DLC1: variants seen among roughly 807,000 people sequenced by gnomAD.
DLC1 encodes DLC1 Rho GTPase activating protein.
A neutral mutation model predicts 140.3 loss-of-function variants in DLC1; 54 were observed. The observed-to-expected ratio is 0.38, with a 90% CI of 0.31 to 0.48. The LOEUF (loss-of-function observed/expected upper bound fraction) is 0.48, where lower values mean the gene tolerates loss of function less well. DLC1 is among the 20% of genes least tolerant of loss of function. DLC1 has a pLI of 0.96. For synonymous variants in DLC1, 986 were observed against 728.1 expected (o/e 1.35, Z -5.70); for missense variants, 2,536 against 1,907.0 (o/e 1.33, Z -6.14).
intron 1 of DLC1, among the ~76,000 whole-genome samples, chr8:13,598,125 G>A (rs1225867030): frequency 6.6e-6 from 1 of 151,994 alleles, no homozygotes; most frequent in African/African-American, 2.4e-5. Flanking sequence ...TGAATTAATA[G>A]TACAAATCTT....
intron 5 of DLC1, among the ~76,000 whole-genome samples, chr8:13,199,641 T>A (rs1827267504): frequency 6.6e-6 from 1 of 152,206 alleles, no homozygotes; most frequent in South Asian, 2.1e-4. Flanking sequence ...TATAAAATAG[T>A]TCCTATATTA....
intron 1 of DLC1, among the ~76,000 whole-genome samples, chr8:13,564,163 A>G (rs1290369820): frequency 6.6e-6 from 1 of 152,210 alleles, no homozygotes; most frequent in Admixed American, 6.5e-5. Context: ...CAATTAATCA[A>G]TTTCAGAAAA....
At position 13,599,578 on chromosome 8, in the gene DLC1, A is replaced by G. The variant is rs148050747; in HGVS notation, c.-126+4959T>C. On this transcript the variant is annotated intron_variant, in intron 1 of 1. Transcript: ENST00000631382. ...CAAAGAACAAACCAAGAACCTAAAT[A>G]TCTAGAAATAAACTACGGAAGTTGA... Among the ~76,000 whole-genome samples the G allele has an allele frequency of 3.5e-4, 54 of 152,158 alleles. No individual in the cohort carries two copies. The East Asian group carries it at 0.01, about 29-fold the overall frequency.
intron 5 of DLC1, among the ~76,000 whole-genome samples, chr8:13,194,559 C>G (rs1344023867): frequency 6.6e-6 from 1 of 152,206 alleles, no homozygotes; most frequent in African/African-American, 2.4e-5. Context: ...AGTCAACACA[C>G]CTGATTTGGA....
At chr8:13,210,274 C>T (rs184711067) in intron 5 of DLC1, among the ~76,000 whole-genome samples, 21 of 152,222 alleles carry the variant, frequency 1.4e-4, no homozygotes, top group African/African-American at 3.4e-4. Context: ...TTCCCACCTC[C>T]GCTCTCAATT....
At chr8:13,133,133 G>A in intron 5 of DLC1, 2 of 1,454,644 alleles carry the variant, frequency 1.4e-6, no homozygotes, top group East Asian at 5.0e-5. Flanking sequence ...CCCTCGTCAC[G>A]GCCCCAGAAA....
intron 4 of DLC1, among the ~76,000 whole-genome samples, chr8:13,354,458 T>C (rs1349316289): frequency 6.6e-6 from 1 of 151,876 alleles, no homozygotes; most frequent in Non-Finnish European, 1.5e-5. Flanking sequence ...TTATGTAGAG[T>C]GAATGACAAA....
chr8:13,296,595 T>C (rs3097639), intron 5 of DLC1, among the ~76,000 whole-genome samples: 3 of 152,180 alleles, frequency 2.0e-5, no homozygotes, highest in Non-Finnish European at 2.9e-5. Context: ...TAGCTGAATG[T>C]CTGTATGAGT....
At chr8:13,557,344 G>C (rs879447240) in intron 1 of DLC1, among the ~76,000 whole-genome samples, 4 of 152,146 alleles carry the variant, frequency 2.6e-5, no homozygotes, top group Non-Finnish European at 4.4e-5. Context: ...GCTTCATTGG[G>C]GTTACAGTCT....
intron 4 of DLC1, among the ~76,000 whole-genome samples, chr8:13,360,472 T>C (rs966589424): frequency 1.3e-5 from 2 of 152,184 alleles, no homozygotes; most frequent in African/African-American, 4.8e-5. Context: ...TTCTTAACCA[T>C]GGCTGCACAT....
At chr8:13,264,727 T>A (rs186185983) in intron 5 of DLC1, among the ~76,000 whole-genome samples, 2 of 152,344 alleles carry the variant, frequency 1.3e-5, no homozygotes, top group East Asian at 3.9e-4. Context: ...AAAATAATCT[T>A]GGTATTAGTT....
chr8:13,250,796 T>C (rs1424560111), intron 5 of DLC1, among the ~76,000 whole-genome samples: 1 of 152,118 alleles, frequency 6.6e-6, no homozygotes, highest in African/African-American at 2.4e-5. Flanking sequence ...ATAAAGTACT[T>C]ACTTTAGTCC....
chr8:13,107,922 T>C (rs901521543), intron 7 of DLC1, among the ~76,000 whole-genome samples: 1 of 152,048 alleles, frequency 6.6e-6, no homozygotes, highest in African/African-American at 2.4e-5. Flanking sequence ...GGTGGGTGCC[T>C]GTAATCCCAG....
chr8:13,435,065 A>G (rs115061364), intron 2 of DLC1, among the ~76,000 whole-genome samples: 2 of 152,202 alleles, frequency 1.3e-5, no homozygotes, highest in South Asian at 2.1e-4. Flanking sequence ...GGTAAAGTAC[A>G]TTAAGAGCCT....
At chr8:13,117,044 T>C (rs970170834) in intron 5 of DLC1, among the ~76,000 whole-genome samples, 1 of 152,250 alleles carries the variant, frequency 6.6e-6, no homozygotes, top group Admixed American at 6.5e-5. Context: ...CTTACTTTTT[T>C]TTCGTATGTG....
intron 2 of DLC1, among the ~76,000 whole-genome samples, chr8:13,437,774 C>G (rs1426298329): frequency 1.3e-5 from 2 of 152,234 alleles, no homozygotes; most frequent in Admixed American, 6.5e-5. Context: ...TCCCTGCCAG[C>G]AAACACCATC....
At chr8:13,107,812 G>A (rs1297853842) in intron 7 of DLC1, among the ~76,000 whole-genome samples, 1 of 152,088 alleles carries the variant, frequency 6.6e-6, no homozygotes, top group Non-Finnish European at 1.5e-5. Flanking sequence ...CAGCCCTTTG[G>A]GAGCCCAAGG....
intron 2 of DLC1, among the ~76,000 whole-genome samples, chr8:13,431,263 C>G (rs1838850675): frequency 6.6e-6 from 1 of 151,864 alleles, no homozygotes; most frequent in Non-Finnish European, 1.5e-5. Flanking sequence ...GCGGGCGGAT[C>G]ACGAGGTCAG....
intron 5 of DLC1, among the ~76,000 whole-genome samples, chr8:13,221,393 C>T (rs551324696): frequency 2.4e-4 from 36 of 148,466 alleles, no homozygotes; most frequent in Admixed American, 4.7e-4. Flanking sequence ...TGTTTTGAGA[C>T]GGAGCCTTGC....
Sources: allele counts gnomAD v4.1 joint callset (sites outside exome capture counted in the v4.1 genomes callset), GRCh38; gene constraint gnomAD v4.1.1; transcripts MANE v1.5; gene names NCBI Gene and HGNC (gene_info 2026-07-23, HGNC 2026-07-21).